The following PITRM1 variants were observed in gnomAD, a reference collection of about 807,000 sequenced individuals.
PITRM1 encodes pitrilysin metallopeptidase 1.
PITRM1 carries 100 observed loss-of-function variants against 129.9 expected under a neutral mutation model. The ratio of observed to expected loss-of-function variants is 0.77; its 90% CI spans 0.65 to 0.91. The LOEUF (loss-of-function observed/expected upper bound fraction) is 0.91, where lower values mean the gene tolerates loss of function less well. PITRM1 is among the 40% of genes least tolerant of loss of function. The pLI is 0.00. For synonymous variants in PITRM1, 591 were observed against 508.8 expected, an observed-to-expected ratio of 1.16 and a Z score of -2.17; for missense variants, 1,471 against 1,318.3, an observed-to-expected ratio of 1.12 and a Z score of -1.79.
intron 13 of PITRM1, 51 bp downstream of exon 13, chr10:3,156,879 G>T: frequency 8.3e-7 from 1 of 1,203,516 alleles, no homozygotes; most frequent in Non-Finnish European, 1.1e-6. Context: ...CCTTTCATTA[G>T]TATAAAATTC....
At chr10:3,147,781 C>CA in intron 18 of PITRM1, 44 bp from the exon 19 acceptor site, 1 of 1,507,304 alleles carries the variant, frequency 6.6e-7, no homozygotes, top group Non-Finnish European at 8.9e-7. Flanking sequence ...ACCCATTCCT[C>CA]ACGTCCCTTC....
At chr10:3,151,440 A>T (rs548373311) in intron 14 of PITRM1, 77 bp from the exon 15 acceptor site, 1 of 884,214 alleles carries the variant, frequency 1.1e-6, no homozygotes, top group East Asian at 2.6e-5. Context: ...CTATGTTATT[A>T]TCTTAACATC....
In PITRM1 at chr10:3,138,034, T is replaced by C. The variant is rs759496100; in HGVS notation, c.3111A>G (p.Gln1037=). Residue 1037 remains glutamine (Q), a synonymous_variant, in exon 27 of 27, where the codon CAA becomes CAG. Transcript: ENST00000224949. ...KIAKDPSWII[Q] ...TGCAGTCGAGCGCCACGGCTGCTCA[T>C]TGGATGATCCAGGATGGGTCCTTGG... 21 of 1,597,654 alleles carry C rather than the reference T, an allele frequency of 1.3e-5. 1 individual carries two copies. Among genetic ancestry groups the C allele is most frequent in the Middle Eastern group, 3.3e-4 (2 of 6,008 alleles).
intron 24 of PITRM1, 149 bp from the exon 25 acceptor site, chr10:3,139,198 G>A (rs989208704): frequency 4.9e-5 from 34 of 695,942 alleles, no homozygotes; most frequent in South Asian, 2.5e-4. Context: ...CTGACAAATC[G>A]CTCAATTACT....
chr10:3,142,637 A>G (rs1316134703), intron 23 of PITRM1, among the ~76,000 whole-genome samples: 1 of 152,234 alleles, frequency 6.6e-6, no homozygotes, highest in Non-Finnish European at 1.5e-5. Flanking sequence ...CTGGAGGGCC[A>G]GTCTGTAGGC....
intron 24 of PITRM1, among the ~76,000 whole-genome samples, chr10:3,139,299 A>G (rs1205997446): frequency 6.6e-6 from 1 of 152,224 alleles, no homozygotes; most frequent in Non-Finnish European, 1.5e-5. Context: ...TCCCTAGATT[A>G]TTTAAATACA....
intron 2 of PITRM1, among the ~76,000 whole-genome samples, chr10:3,168,187 T>C (rs1235013839): frequency 6.6e-6 from 1 of 151,866 alleles, no homozygotes; most frequent in Non-Finnish European, 1.5e-5. Context: ...CTCAGCCCAA[T>C]CTAGGGAGCC....
rs183462549 is a variant in PITRM1 at position 3,143,715 on chromosome 10, A to G, written c.2533-214T>C. 7.2e-4 allele frequency: 509 copies of G among 706,028 alleles called. 4 individuals carry two copies. The African/African-American group carries it at 8.0e-3, about 11-fold the overall frequency. The allele number at this position is 706,028 out of a possible 1,614,324, so 43.7% of individuals were successfully genotyped here. On this transcript the variant is annotated intron_variant, in intron 22 of 26. Transcript: ENST00000224949. ...GCACTGCAGTTCCGTCACTCCACAC[A>G]ATTTCTCACTGTAAAACTGACATGA...
chr10:3,145,716 C>A lies in PITRM1; in HGVS notation c.2337G>T (p.Arg779Ser), dbSNP rs1336142354. Reference protein sequence around the residue: ...KKHLLNGDNMRCSVNATPQQM... With the variant: ...KKHLLNGDNMSCSVNATPQQM... ...GCTGAGGAGTCGCATTCACTGAACA[C>A]CTGTTTGAAAAATTATGTATACATA... The change falls in exon 21 of 27, where the codon AGG becomes AGT. Residue 779 changes from arginine (R) to serine (S), a missense_variant and splice_region_variant. Transcript: ENST00000224949. The A allele has an allele frequency of 6.5e-7, 1 of 1,547,582 alleles. No individual in the cohort carries two copies. Among genetic ancestry groups the A allele is most frequent in the Non-Finnish European group, 8.7e-7 (1 of 1,143,660 alleles).
intron 23 of PITRM1, chr10:3,141,505 C>T (rs1840193032): frequency 4.6e-6 from 1 of 215,768 alleles, no homozygotes; most frequent in African/African-American, 2.3e-5. Flanking sequence ...ATAAGAATCC[C>T]TTAAGAAAAC....
chr10:3,165,085 C>T (rs1842745402), intron 6 of PITRM1, 153 bp downstream of exon 6: 1 of 666,508 alleles, frequency 1.5e-6, no homozygotes, highest in Admixed American at 3.4e-5. Context: ...CCCTGCTACC[C>T]CGACTTCTGC....
At chr10:3,147,469 G>C in intron 19 of PITRM1, 103 bp downstream of exon 19, 3 of 1,322,446 alleles carry the variant, frequency 2.3e-6, no homozygotes, top group East Asian at 2.3e-5. Context: ...CAGTTAGAAA[G>C]TTAGCATTTC....
chr10:3,150,480 C>T (rs146352341), intron 15 of PITRM1, among the ~76,000 whole-genome samples: 67 of 152,234 alleles, frequency 4.4e-4, no homozygotes, highest in Middle Eastern at 6.8e-3. Context: ...GGGCTGGAGA[C>T]GCTTCACAGG....
rs1405193525 is a variant in PITRM1 at position 3,157,447 on chromosome 10, C to T, written c.1335G>A (p.Leu445=). 2 of 1,602,130 alleles carry T rather than the reference C, an allele frequency of 1.2e-6. No individual in the cohort carries two copies. Among genetic ancestry groups the T allele is most frequent in the South Asian group, 1.1e-5 (1 of 89,490 alleles). Residue 445 remains leucine, a synonymous_variant, in exon 12 of 27, where the codon CTG becomes CTA. Transcript: ENST00000224949. ...QMKHQSTSFG[L]MLTSYIASCW... is the part of the protein sequence containing the mutation. ...AGAGATCACTTACTGATGTCAGCATCAGCCCAAAGCTGGTAGACTGATGTT... is the reference window on the plus strand; with the variant it reads ...AGAGATCACTTACTGATGTCAGCATTAGCCCAAAGCTGGTAGACTGATGTT...
chr10:3,138,240 G>A lies in PITRM1; in HGVS notation c.3015C>T (p.Ser1005=), dbSNP rs751348101. Residue 1005 remains serine, a synonymous_variant, in exon 26 of 27, where the codon AGC becomes AGT. Coordinates refer to ENST00000224949, the MANE Select transcript of PITRM1 (RefSeq NM_014889.4). ...CTCCCCCGCTCCCCACTCACCTATCGCTCACGGCCAGGAGCTTGTCGTGGC... is the reference window on the plus strand; with the variant it reads ...CTCCCCCGCTCCCCACTCACCTATCACTCACGGCCAGGAGCTTGTCGTGGC... The part of the protein sequence containing the change: ...AVSHDKLLAV[S]DRYLGTGKST... 6.4e-5 allele frequency: 103 copies of A among 1,611,806 alleles called. No homozygotes were observed. Among genetic ancestry groups the A allele is most frequent in the Middle Eastern group, 1.6e-4 (1 of 6,082 alleles).
chr10:3,156,531 A>C (rs1233281229), intron 13 of PITRM1, among the ~76,000 whole-genome samples: 4 of 152,256 alleles, frequency 2.6e-5, no homozygotes, highest in African/African-American at 9.6e-5. Flanking sequence ...AGAACAGGCA[A>C]CCAAGCACAA....
intron 2 of PITRM1, among the ~76,000 whole-genome samples, chr10:3,168,691 C>T (rs1258590691): frequency 4.6e-5 from 7 of 152,170 alleles, no homozygotes; most frequent in Non-Finnish European, 8.8e-5. Flanking sequence ...TCTCCCCTGC[C>T]GCCCTGTGAA....
intron 7 of PITRM1, among the ~76,000 whole-genome samples, chr10:3,161,733 G>A (rs896546366): frequency 6.6e-6 from 1 of 151,848 alleles, no homozygotes; most frequent in African/African-American, 2.4e-5. Context: ...CCACAGCTGG[G>A]GCAAATGTGG....
At chr10:3,168,547 TGTGGGAGGGACCTG>T (rs1189673514) in intron 2 of PITRM1, among the ~76,000 whole-genome samples, 1 of 147,734 alleles carries the variant, frequency 6.8e-6, no homozygotes, top group African/African-American at 2.6e-5. Context: ...CCCCACATGT[TGTGGGAGGGACCTG>T]GTGGGAGGTA....
Sources: allele counts gnomAD v4.1 joint callset (sites outside exome capture counted in the v4.1 genomes callset), GRCh38; gene constraint gnomAD v4.1.1; transcripts MANE v1.5; gene names NCBI Gene and HGNC (gene_info 2026-07-23, HGNC 2026-07-21).